CHM: variants seen among roughly 807,000 people sequenced by gnomAD.
CHM encodes the protein rab proteins geranylgeranyltransferase component A 1.
CHM carries 10 observed loss-of-function variants against 49.0 expected under a neutral mutation model. That is an observed-to-expected ratio of 0.20 (90% confidence interval 0.13 to 0.35). CHM has a LOEUF of 0.35. CHM is among the 10% of genes least tolerant of loss of function. The pLI is 1.00. For synonymous variants in CHM, 184 were observed against 167.5 expected (o/e 1.10, Z -0.76); for missense variants, 455 against 478.4 (o/e 0.95, Z 0.46).
rs1318213994 is a variant in CHM, at chrX:85,900,658, A to G, written c.1401T>C (p.Asp467=). ...LITDRSVLKT[D]SDQQISILTV... Reference sequence around the variant, plus strand: ...GGACTGAATTTACCTGTTGATCTGAATCTGTTTTTAGGACAGATCTATCTG... The same window carrying G: ...GGACTGAATTTACCTGTTGATCTGAGTCTGTTTTTAGGACAGATCTATCTG... The change falls in exon 11 of 15, where the codon GAT becomes GAC. Residue 467 remains aspartate, a synonymous_variant. Transcript: ENST00000357749. The G allele has an allele frequency of 3.4e-6, 4 of 1,170,047 alleles. No individual in the cohort carries two copies. The Admixed American group carries it at 8.8e-5, about 26-fold the overall frequency.
intron 9 of CHM, among the ~76,000 whole-genome samples, chrX:85,905,678 A>T (rs188011389): frequency 1.8e-5 from 2 of 111,616 alleles, no homozygotes; most frequent in East Asian, 5.6e-4. Flanking sequence ...GGATACAGTT[A>T]TCTCAGGTAG....
intron 14 of CHM, among the ~76,000 whole-genome samples, chrX:85,866,746 G>A (rs1923725505): frequency 8.8e-6 from 1 of 113,247 alleles, no homozygotes; most frequent in South Asian, 3.6e-4. Flanking sequence ...TGGCCTGGAT[G>A]TGAGACATGG....
intron 8 of CHM, among the ~76,000 whole-genome samples, chrX:85,928,958 T>G (rs1411366808): frequency 8.9e-6 from 1 of 112,098 alleles, no homozygotes; most frequent in Non-Finnish European, 1.9e-5. Context: ...TCAGCTAAGG[T>G]TCTATCATCA....
intron 2 of CHM, among the ~76,000 whole-genome samples, chrX:86,020,898 T>C (rs1187111431): frequency 9.9e-6 from 1 of 100,849 alleles, no homozygotes; most frequent in Non-Finnish European, 2.0e-5. Context: ...ATATATATGA[T>C]AGATACATAC....
intron 12 of CHM, among the ~76,000 whole-genome samples, chrX:85,886,861 G>A (rs1160711014): frequency 9.2e-6 from 1 of 108,324 alleles, no homozygotes; most frequent in Non-Finnish European, 1.9e-5. Flanking sequence ...ACAAGTGAAT[G>A]ATAAAAATAT....
intron 14 of CHM, among the ~76,000 whole-genome samples, chrX:85,867,721 A>C (rs1179258952): frequency 1.8e-5 from 2 of 111,640 alleles, no homozygotes; most frequent in African/African-American, 6.5e-5. Flanking sequence ...TGGCTTCCTT[A>C]TCTATAAAAT....
intron 2 of CHM, among the ~76,000 whole-genome samples, chrX:86,019,093 G>C (rs779505964): frequency 1.8e-5 from 2 of 111,687 alleles, no homozygotes; most frequent in Admixed American, 1.9e-4. Context: ...AGAGTGGGTG[G>C]GGTGCAGGCA....
intron 2 of CHM, among the ~76,000 whole-genome samples, chrX:86,019,078 G>T (rs1817167126): frequency 8.9e-6 from 1 of 111,755 alleles, no homozygotes; most frequent in Admixed American, 9.5e-5. Flanking sequence ...GGTGGGACAG[G>T]GGACAGAGTG....
At chrX:86,023,180 T>G (rs1423753506) in intron 2 of CHM, among the ~76,000 whole-genome samples, 2 of 111,740 alleles carry the variant, frequency 1.8e-5, no homozygotes, top group African/African-American at 6.5e-5. Context: ...ATTCCTCTGC[T>G]TAAGAGCATT....
chrX:85,990,336 T>C (rs930420181), intron 2 of CHM, among the ~76,000 whole-genome samples: 34 of 111,638 alleles, frequency 3.0e-4, no homozygotes, highest in African/African-American at 1.1e-3. Flanking sequence ...TGGAGTCTAC[T>C]TGAGGGTGAG....
chrX:86,021,126 G>GTATATATATATATATATATATATATA (rs3078128), intron 2 of CHM, among the ~76,000 whole-genome samples: 1 of 55,976 alleles, frequency 1.8e-5, no homozygotes, highest in Non-Finnish European at 3.1e-5. Flanking sequence ...GTGTATATAC[G>GTATATATATATATATATATATATATA]TATATATATA....
chrX:85,959,735 C>A (rs1348539019), intron 5 of CHM, among the ~76,000 whole-genome samples: 1 of 110,764 alleles, frequency 9.0e-6, no homozygotes, highest in Non-Finnish European at 1.9e-5. Flanking sequence ...GCATGTTAAC[C>A]GTATGGTTAA....
intron 14 of CHM, among the ~76,000 whole-genome samples, chrX:85,870,398 T>G (rs1923975263): frequency 8.9e-6 from 1 of 112,011 alleles, no homozygotes; most frequent in Non-Finnish European, 1.9e-5. Flanking sequence ...GCTCTCAACT[T>G]AATAATGGGC....
chrX:85,870,972 T>C (rs1412684904), intron 14 of CHM, among the ~76,000 whole-genome samples: 1 of 110,892 alleles, frequency 9.0e-6, no homozygotes, highest in Non-Finnish European at 1.9e-5. Flanking sequence ...AGAAAAGATG[T>C]AAACCTGCCA....
At chrX:85,932,728 T>G (rs1358513766) in intron 8 of CHM, among the ~76,000 whole-genome samples, 1 of 111,949 alleles carries the variant, frequency 8.9e-6, no homozygotes, top group East Asian at 2.8e-4. Context: ...AGAAAACTAA[T>G]GCTTGTTTTC....
intron 2 of CHM, among the ~76,000 whole-genome samples, chrX:86,021,126 G>GTATATATATATATATATATA (rs3078128): frequency 1.6e-4 from 9 of 55,964 alleles, no homozygotes; most frequent in East Asian, 5.7e-4. Context: ...GTGTATATAC[G>GTATATATATATATATATATA]TATATATATA....
intron 4 of CHM, among the ~76,000 whole-genome samples, chrX:85,977,668 CTT>C (rs1381449991): frequency 8.9e-6 from 1 of 112,192 alleles, no homozygotes; most frequent in East Asian, 2.8e-4. Context: ...AAGCATATGT[CTT>C]TTCAGTTGAA....
At chrX:85,938,406 T>C (rs1178876369) in intron 8 of CHM, among the ~76,000 whole-genome samples, 1 of 111,876 alleles carries the variant, frequency 8.9e-6, no homozygotes, top group Non-Finnish European at 1.9e-5. Flanking sequence ...CAAAATTCCA[T>C]AGTTTATAAG....
At chrX:85,970,062 A>G (rs1415846347) in intron 4 of CHM, 1 of 115,339 alleles carries the variant, frequency 8.7e-6, no homozygotes, top group Non-Finnish European at 1.8e-5. Context: ...AATGCATTGC[A>G]TATTTCAAAT....
Sources: gnomAD v4.1 joint callset for allele counts (sites outside exome capture counted in the v4.1 genomes callset) on GRCh38, gnomAD v4.1.1 for gene constraint, MANE v1.5 for transcripts, NCBI Gene and HGNC (gene_info 2026-07-23, HGNC 2026-07-21) for gene names.